CNTN3: variants seen among roughly 807,000 people sequenced by gnomAD.
CNTN3 encodes the protein contactin-3.
A neutral mutation model predicts 119.1 loss-of-function variants in CNTN3; 60 were observed. The observed-to-expected ratio is 0.50, with a 90% CI of 0.41 to 0.62. The LOEUF (loss-of-function observed/expected upper bound fraction) is 0.62, where lower values mean the gene tolerates loss of function less well. Ranked by LOEUF, CNTN3 falls within the 20% of genes least tolerant of loss-of-function variation. The probability of loss-of-function intolerance (pLI) is 0.00; values close to 1 mark genes in which losing one functional copy is unlikely to be tolerated. For missense variants in CNTN3, 1,101 were observed against 1,242.4 expected (o/e 0.89, Z 1.71); for synonymous variants, 450 against 438.7 (o/e 1.03, Z -0.32).
At chr3:74,548,921 T>G (rs1476915666) in intron 1 of CNTN3, among the ~76,000 whole-genome samples, 1 of 152,220 alleles carries the variant, frequency 6.6e-6, no homozygotes, top group Non-Finnish European at 1.5e-5. Flanking sequence ...GGTCTTACCC[T>G]AGGGATATGG....
At chr3:74,384,807 A>C (rs1704707119) in intron 5 of CNTN3, among the ~76,000 whole-genome samples, 1 of 152,146 alleles carries the variant, frequency 6.6e-6, no homozygotes, top group African/African-American at 2.4e-5. Context: ...GTCTTTTCTG[A>C]GACCATATGC....
chr3:74,570,815 G>C lies in CNTN3; in HGVS notation c.-81+43576C>G, dbSNP rs1019000043. Among the ~76,000 whole-genome samples, 2 of 152,082 alleles carry C rather than the reference G, an allele frequency of 1.3e-5. 1 individual carries two copies. The highest frequency in any genetic ancestry group is 3.9e-4 in the East Asian group (2 of 5,186). On this transcript the variant is annotated intron_variant, in intron 1 of 22. Transcript: ENST00000263665. ...AGAGTAAATTGGAGAGATGGATGTG[G>C]GCTTCTATTTTTACATAATAATTTC... is the stretch of plus-strand genomic sequence containing the variant.
intron 2 of CNTN3, among the ~76,000 whole-genome samples, chr3:74,513,081 G>A (rs112837316): frequency 1.3e-5 from 2 of 151,948 alleles, no homozygotes; most frequent in Non-Finnish European, 1.5e-5. Context: ...TAAGGCTAAC[G>A]TAAAAACACA....
chr3:74,368,479 T>C (rs1308349805), intron 8 of CNTN3, among the ~76,000 whole-genome samples: 2 of 152,070 alleles, frequency 1.3e-5, no homozygotes, highest in Non-Finnish European at 2.9e-5. Context: ...ATATATTTTA[T>C]AAATCCGTTT....
chr3:74,422,500 C>T (rs1163305970), intron 5 of CNTN3, among the ~76,000 whole-genome samples: 2 of 152,168 alleles, frequency 1.3e-5, no homozygotes, highest in African/African-American at 4.8e-5. Context: ...GTGTGATGGG[C>T]TAACAGTTCT....
intron 3 of CNTN3, among the ~76,000 whole-genome samples, chr3:74,498,030 G>A (rs984522934): frequency 2.0e-5 from 3 of 151,744 alleles, no homozygotes; most frequent in Non-Finnish European, 3.0e-5. Context: ...ATTCCTATAT[G>A]ACTAAATCTT....
At chr3:74,377,693 A>G (rs966747671) in intron 5 of CNTN3, among the ~76,000 whole-genome samples, 10 of 152,196 alleles carry the variant, frequency 6.6e-5, no homozygotes, top group Non-Finnish European at 1.2e-4. Flanking sequence ...TTTTTAATTC[A>G]AAAGTCAAAA....
At chr3:74,434,485 C>G (rs1303840425) in intron 4 of CNTN3, among the ~76,000 whole-genome samples, 2 of 152,186 alleles carry the variant, frequency 1.3e-5, no homozygotes, top group African/African-American at 4.8e-5. Flanking sequence ...TCTGAACACT[C>G]GCTCTACTGC....
chr3:74,396,576 C>G (rs1029909531), intron 5 of CNTN3, among the ~76,000 whole-genome samples: 1 of 124,178 alleles, frequency 8.1e-6, no homozygotes, highest in African/African-American at 2.7e-5. Context: ...GAAACACCAT[C>G]TCTACTAAAA....
Position 74,576,085 on chromosome 3 carries a change from C to T in CNTN3, c.-81+38306G>A, listed in dbSNP as rs374359275. ...TCCTTCCAACATTCCAGCCCTCTGC[C>T]TCCTAATGTGAAGACCCCTTCTCCC... On this transcript the variant is annotated intron_variant, in intron 1 of 22. Transcript: ENST00000263665. 1.3e-4 allele frequency among the ~76,000 whole-genome samples: 20 copies of T among 152,198 alleles called. 1 individual carries two copies. Among genetic ancestry groups the T allele is most frequent in the African/African-American group, 4.8e-4 (20 of 41,538 alleles).
chr3:74,278,786 C>T (rs1019362780), intron 20 of CNTN3, among the ~76,000 whole-genome samples: 3 of 152,062 alleles, frequency 2.0e-5, no homozygotes, highest in Admixed American at 6.6e-5. Context: ...AGAGCTTTTG[C>T]ATGGCAAAGC....
At chr3:74,499,570 A>G in intron 3 of CNTN3, 89 bp downstream of exon 3, 1 of 1,273,058 alleles carries the variant, frequency 7.9e-7, no homozygotes, top group South Asian at 1.6e-5. Flanking sequence ...TACTGATGGC[A>G]TAAATATATT....
intron 5 of CNTN3, among the ~76,000 whole-genome samples, chr3:74,383,677 G>A (rs940073966): frequency 1.6e-4 from 25 of 152,112 alleles, no homozygotes; most frequent in Admixed American, 7.9e-4. Context: ...TAGAGACAGC[G>A]TCTCATTGTA....
intron 1 of CNTN3, among the ~76,000 whole-genome samples, chr3:74,549,230 C>T (rs1400603258): frequency 6.6e-6 from 1 of 152,082 alleles, no homozygotes; most frequent in Non-Finnish European, 1.5e-5. Flanking sequence ...GTGTGTAGCA[C>T]CTCCCCCTTT....
At chr3:74,488,449 GGAGA>G (rs1702900839) in intron 3 of CNTN3, among the ~76,000 whole-genome samples, 1 of 152,074 alleles carries the variant, frequency 6.6e-6, no homozygotes, top group Admixed American at 6.5e-5. Flanking sequence ...AAGCTCTCAT[GGAGA>G]GAGAGTAGGA....
At chr3:74,378,951 CTT>C (rs1374890835) in intron 5 of CNTN3, among the ~76,000 whole-genome samples, 1 of 152,156 alleles carries the variant, frequency 6.6e-6, no homozygotes, top group African/African-American at 2.4e-5. Context: ...TTTTCTCTCT[CTT>C]GTTTTAGTCT....
chr3:74,571,215 C>T (rs1169956372), intron 1 of CNTN3, among the ~76,000 whole-genome samples: 3 of 152,146 alleles, frequency 2.0e-5, no homozygotes, highest in Non-Finnish European at 4.4e-5. Context: ...ATCATTTCTG[C>T]ACATCATAAG....
intron 4 of CNTN3, among the ~76,000 whole-genome samples, chr3:74,457,765 C>T (rs1465465916): frequency 6.6e-6 from 1 of 151,830 alleles, no homozygotes; most frequent in African/African-American, 2.4e-5. Flanking sequence ...TGTTGCATGG[C>T]TCAGAGGAGA....
At chr3:74,359,491 G>A (rs1412525283) in intron 11 of CNTN3, among the ~76,000 whole-genome samples, 1 of 152,052 alleles carries the variant, frequency 6.6e-6, no homozygotes, top group East Asian at 1.9e-4. Context: ...CAGTTCTAAA[G>A]GAAGAGTTAA....
Sources: gnomAD v4.1 joint callset for allele counts (sites outside exome capture counted in the v4.1 genomes callset) on GRCh38, gnomAD v4.1.1 for gene constraint, MANE v1.5 for transcripts, NCBI Gene and HGNC (gene_info 2026-07-23, HGNC 2026-07-21) for gene names.